TRAPPC8: variants seen among roughly 807,000 people sequenced by gnomAD.
The protein encoded by TRAPPC8 is trafficking protein particle complex subunit 8.
TRAPPC8 carries 54 observed loss-of-function variants against 174.3 expected under a neutral mutation model. The ratio of observed to expected loss-of-function variants is 0.31; its 90% confidence interval spans 0.25 to 0.39. The LOEUF is 0.39. Among genes scored for constraint, TRAPPC8 ranks in the 10% least tolerant of loss-of-function variants. The pLI is 1.00. For missense variants in TRAPPC8, 1,531 were observed against 1,699.1 expected (o/e 0.90, Z 1.74); for synonymous variants, 630 against 579.9 (o/e 1.09, Z -1.24).
intron 19 of TRAPPC8, 72 bp from the exon 20 acceptor site, chr18:31,858,054 G>A: frequency 2.4e-6 from 3 of 1,245,796 alleles, no homozygotes; most frequent in Non-Finnish European, 1.1e-6. Context: ...AACACTTTAA[G>A]ACACTTTTTT....
chr18:31,834,018 A>AAAC (rs1555652309), intron 27 of TRAPPC8, among the ~76,000 whole-genome samples: 1 of 151,268 alleles, frequency 6.6e-6, no homozygotes, highest in Non-Finnish European at 1.5e-5. Flanking sequence ...AAAAAACAAA[A>AAAC]AACAGAAATT....
intron 19 of TRAPPC8, among the ~76,000 whole-genome samples, chr18:31,862,741 G>C (rs1021205418): frequency 6.6e-6 from 1 of 151,936 alleles, no homozygotes; most frequent in African/African-American, 2.4e-5. Flanking sequence ...ACATGTATAG[G>C]ATTACTACCA....
intron 26 of TRAPPC8, among the ~76,000 whole-genome samples, chr18:31,843,791 G>A (rs1462732297): frequency 6.6e-6 from 1 of 152,200 alleles, no homozygotes; most frequent in Non-Finnish European, 1.5e-5. Context: ...ACGGAACAAT[G>A]TGAAAACTGA....
intron 16 of TRAPPC8, 121 bp from the exon 17 acceptor site, chr18:31,867,597 T>C: frequency 1.7e-5 from 11 of 641,084 alleles, no homozygotes; most frequent in South Asian, 9.6e-5. Flanking sequence ...ACTTGGTTTT[T>C]ACCACATGCT....
intron 24 of TRAPPC8, among the ~76,000 whole-genome samples, chr18:31,850,983 T>C (rs1016671853): frequency 3.3e-5 from 5 of 152,212 alleles, no homozygotes; most frequent in Admixed American, 6.5e-5. Context: ...CTGAAAGTAA[T>C]GCATATTTTG....
chr18:31,938,103 G>C (rs1194791576), intron 1 of TRAPPC8, among the ~76,000 whole-genome samples: 1 of 152,036 alleles, frequency 6.6e-6, no homozygotes, highest in African/African-American at 2.4e-5. Flanking sequence ...AAAACTTACA[G>C]AACATCTAAA....
Position 31,901,039 on chromosome 18 carries a change from CAT to C in TRAPPC8, c.1390-16_1390-15del, listed in dbSNP as rs769419702. On this transcript the variant is annotated splice_polypyrimidine_tract_variant and intron_variant, in intron 9 of 28. Coordinates refer to ENST00000283351, the MANE Select transcript of TRAPPC8 (RefSeq NM_014939.5). ...TGCTGCCATTTCCTAAAATAAAAGA[CAT>C]AGTTTACATATTTCAAAAGAAGAAA... 4.8e-5 allele frequency: 75 copies of C among 1,563,882 alleles called. No homozygotes were observed. The highest frequency in any genetic ancestry group is 6.4e-5 in the Non-Finnish European group (74 of 1,160,030).
chr18:31,890,822 A>G lies in TRAPPC8; in HGVS notation c.1641T>C (p.His547=). ...TGGGACTTTTCATGTTTATAAAGCA[A>G]TGTGCTGCCTGTTCCAAAAGAAGTG... The part of the protein sequence containing the change: ...RSALLLEQAA[H]CFINMKSPMV... The change falls in exon 12 of 29, where the codon CAT becomes CAC. Residue 547 remains histidine, a synonymous_variant. Coordinates refer to ENST00000283351, the MANE Select transcript of TRAPPC8 (RefSeq NM_014939.5). The G allele has an allele frequency of 1.2e-6, 2 of 1,612,702 alleles. No homozygotes were observed. Among genetic ancestry groups the G allele is most frequent in the Non-Finnish European group, 8.5e-7 (1 of 1,179,168 alleles).
At chr18:31,933,878 A>G (rs1034461198) in intron 1 of TRAPPC8, among the ~76,000 whole-genome samples, 1 of 152,156 alleles carries the variant, frequency 6.6e-6, no homozygotes, top group Admixed American at 6.6e-5. Context: ...GTAAACATAA[A>G]TATAGATACA....
chr18:31,893,037 A>AC (rs1555672400), intron 11 of TRAPPC8, among the ~76,000 whole-genome samples: 70 of 151,024 alleles, frequency 4.6e-4, no homozygotes, highest in African/African-American at 1.4e-3. Flanking sequence ...AAAAAAAAAA[A>AC]AAAACAACAT....
At chr18:31,851,020 G>T (rs2033677839) in intron 24 of TRAPPC8, among the ~76,000 whole-genome samples, 2 of 152,192 alleles carry the variant, frequency 1.3e-5, no homozygotes, top group African/African-American at 4.8e-5. Flanking sequence ...GAAACTTGGA[G>T]ATATTTCTAA....
intron 11 of TRAPPC8, among the ~76,000 whole-genome samples, chr18:31,893,380 G>GGTGT (rs10660521): frequency 0.048 from 7,121 of 149,704 alleles, 207 homozygotes; most frequent in Middle Eastern, 0.079. Flanking sequence ...TTTGCTTCTA[G>GGTGT]GTGTGTGTGT....
chr18:31,890,585 T>C (rs1019215292), intron 12 of TRAPPC8, 150 bp downstream of exon 12: 31 of 696,778 alleles, frequency 4.4e-5, no homozygotes, highest in Non-Finnish European at 6.3e-5. Flanking sequence ...ATAGCCAGAT[T>C]TGTCTAAATC....
In TRAPPC8 at chr18:31,931,253, C is replaced by A. The variant is rs916843964; in HGVS notation, c.352+76G>T. The A allele has an allele frequency of 4.2e-5, 57 of 1,354,066 alleles. No homozygotes were observed. In the African/African-American group the frequency reaches 7.8e-4, roughly 18 times the overall value. 83.9% of individuals were successfully genotyped at this position (1,354,066 alleles called of 1,614,324 possible). Reference sequence around the variant, plus strand: ...AAACTCTTAAATACATGTTGATCATCTCCCAAGTCATAGAATCGCTTTTTC... The same window carrying A: ...AAACTCTTAAATACATGTTGATCATATCCCAAGTCATAGAATCGCTTTTTC... On this transcript the variant is annotated intron_variant, in intron 2 of 28. Coordinates refer to ENST00000283351, the MANE Select transcript of TRAPPC8 (RefSeq NM_014939.5).
At chr18:31,890,293 G>A (rs2035898423) in intron 12 of TRAPPC8, among the ~76,000 whole-genome samples, 3 of 152,150 alleles carry the variant, frequency 2.0e-5, no homozygotes, top group African/African-American at 7.2e-5. Flanking sequence ...ACAGACAGAA[G>A]ATGTCTATAC....
At chr18:31,940,896 G>A (rs1346273968) in intron 1 of TRAPPC8, among the ~76,000 whole-genome samples, 1 of 152,220 alleles carries the variant, frequency 6.6e-6, no homozygotes, top group Non-Finnish European at 1.5e-5. Context: ...CAGGAGATAA[G>A]ATGATTAAGA....
intron 2 of TRAPPC8, among the ~76,000 whole-genome samples, chr18:31,923,721 G>A (rs1211630614): frequency 4.0e-5 from 6 of 151,346 alleles, no homozygotes; most frequent in African/African-American, 1.5e-4. Flanking sequence ...CTGAAAGGAG[G>A]TGCCTTTCAG....
At chr18:31,841,786 C>G (rs532888554) in intron 26 of TRAPPC8, among the ~76,000 whole-genome samples, 3 of 152,162 alleles carry the variant, frequency 2.0e-5, no homozygotes, top group Non-Finnish European at 4.4e-5. Context: ...TACCAAATAC[C>G]TTATGAATGG....
chr18:31,884,703 T>G (rs1353873023), intron 12 of TRAPPC8, among the ~76,000 whole-genome samples: 1 of 151,188 alleles, frequency 6.6e-6, no homozygotes, highest in Non-Finnish European at 1.5e-5. Context: ...TTTGAGGGGG[T>G]TTTTTAAAGA....
Sources: allele counts gnomAD v4.1 joint callset (sites outside exome capture counted in the v4.1 genomes callset), GRCh38; gene constraint gnomAD v4.1.1; transcripts MANE v1.5; gene names NCBI Gene and HGNC (gene_info 2026-07-23, HGNC 2026-07-21).